RNF144B: variants seen among roughly 807,000 people sequenced by gnomAD.
The protein encoded by RNF144B is E3 ubiquitin-protein ligase RNF144B.
In RNF144B, 25 loss-of-function variants were observed where a neutral mutation model predicts 40.2. The observed-to-expected ratio is 0.62, with a 90% CI of 0.45 to 0.87. RNF144B has a LOEUF of 0.87. Among genes scored for constraint, RNF144B ranks in the 40% least tolerant of loss-of-function variants. The pLI, the probability that RNF144B is intolerant of heterozygous loss-of-function variation, is 0.00. For missense variants in RNF144B, 365 were observed against 373.7 expected (o/e 0.98, Z 0.19); for synonymous variants, 145 against 136.3 (o/e 1.06, Z -0.44).
rs1259429374 is a variant in RNF144B, at chr6:18,412,339, G to T, written c.165+12640G>T. Among the ~76,000 whole-genome samples, 1 of 152,124 alleles carries T rather than the reference G, an allele frequency of 6.6e-6. No individual in the cohort carries two copies. The highest frequency in any genetic ancestry group is 1.9e-4 in the East Asian group (1 of 5,186). ...AATCCATACTTCCTCTTTTTAGGAG[G>T]AAGCAAATTGTTGTAAGAGAAGCTC... On this transcript the variant is annotated intron_variant, in intron 2 of 7. Coordinates refer to ENST00000259939, the MANE Select transcript of RNF144B (RefSeq NM_182757.4). The surrounding 1 kb of genome is among the most constrained non-coding windows in gnomAD (Gnocchi z 4.2).
chr6:18,463,152 C>CA, intron 6 of RNF144B, 139 bp from the exon 7 acceptor site: 1 of 596,240 alleles, frequency 1.7e-6, no homozygotes, highest in East Asian at 2.8e-5. Flanking sequence ...ATAAAGATTA[C>CA]AGGCTTGGAA....
In RNF144B at chr6:18,457,119, G is replaced by A. The variant is rs1352796099; in HGVS notation, c.332-36G>A. The A allele has an allele frequency of 2.9e-5, 42 of 1,457,802 alleles. No individual in the cohort carries two copies. Among genetic ancestry groups the A allele is most frequent in the Non-Finnish European group, 3.9e-5 (41 of 1,039,098 alleles). The allele number at this position is 1,457,802 out of a possible 1,614,324, so 90.3% of individuals were successfully genotyped here. A position where few individuals can be genotyped will look rare whatever the true frequency, so the allele number is the denominator to read the frequency against. Reference sequence around the variant, plus strand: ...GGTGAGAAAGACTCAAACATGAATCGGGCAGACCATCACATTTTCTTTCTT... The same window carrying A: ...GGTGAGAAAGACTCAAACATGAATCAGGCAGACCATCACATTTTCTTTCTT... On this transcript the variant is annotated intron_variant, in intron 4 of 7. Transcript: ENST00000259939. The surrounding 1 kb of genome is among the most constrained non-coding windows in gnomAD (Gnocchi z 5.1).
intron 3 of RNF144B, among the ~76,000 whole-genome samples, chr6:18,433,074 A>G (rs1010222018): frequency 6.6e-6 from 1 of 152,114 alleles, no homozygotes; most frequent in African/African-American, 2.4e-5. Flanking sequence ...GCTTTGGGAA[A>G]GTTGGCTACA....
intron 4 of RNF144B, among the ~76,000 whole-genome samples, chr6:18,454,923 T>G (rs186348580): frequency 2.4e-4 from 37 of 152,344 alleles, no homozygotes; most frequent in African/African-American, 8.9e-4. Flanking sequence ...CAGTAATATG[T>G]GTTTTAAGTT....
rs1221378680 is a variant in RNF144B at position 18,399,687 on chromosome 6, C to G, written c.153C>G (p.Ile51Met). The change falls in exon 2 of 8, where the codon ATC becomes ATG. Residue 51 changes from isoleucine to methionine, a missense_variant. Physicochemically the swap from Ile to Met is conservative, Grantham distance 10 (BLOSUM62 1). Transcript: ENST00000259939. The part of the protein sequence containing the change: ...KMTTLQECQC[I>M]FCTACLKQYM... ...CCACACTCCAGGAATGCCAGTGCAT[C>G]TTTTGCACAGCTGTGAGTTTTCCTT... The G allele has an allele frequency of 1.9e-6, 3 of 1,613,134 alleles. No individual in the cohort carries two copies. The highest frequency in any genetic ancestry group is 1.7e-6 in the Non-Finnish European group (2 of 1,179,198).
intron 3 of RNF144B, among the ~76,000 whole-genome samples, chr6:18,431,814 C>A (rs1758701627): frequency 6.6e-6 from 1 of 152,180 alleles, no homozygotes; most frequent in Admixed American, 6.5e-5. Flanking sequence ...CTTCCTTGTG[C>A]AGGTCTAGCT....
rs1355417395 is a variant in RNF144B, at chr6:18,387,429, C to T, written c.-238C>T. On this transcript the variant is annotated 5_prime_UTR_variant, in exon 1 of 8. Transcript: ENST00000259939. ...AAGGCTAGGAGGCGGTCGGGGACTC[C>T]GCCTCCTCCCGACCCGTAGGTCTGG... The T allele has an allele frequency of 2.5e-6, 3 of 1,187,284 alleles. No homozygotes were observed. Among genetic ancestry groups the T allele is most frequent in the African/African-American group, 1.6e-5 (1 of 61,996 alleles). 73.5% of individuals were successfully genotyped at this position (1,187,284 alleles called of 1,614,324 possible). A position where few individuals can be genotyped will look rare whatever the true frequency, so the allele number is the denominator to read the frequency against.
intron 4 of RNF144B, among the ~76,000 whole-genome samples, chr6:18,440,723 G>GATT (rs1554181263): frequency 2.1e-4 from 32 of 151,446 alleles, no homozygotes; most frequent in Non-Finnish European, 4.4e-4. Flanking sequence ...GGGATACATA[G>GATT]GTTAATAGCA....
In RNF144B at chr6:18,457,641, G is replaced by A. The variant is rs1472132673; in HGVS notation, c.536+282G>A. ...CACCGTGGTCTACTGGTTCTCAGTAGGAAATCATGACTTGTTCCCGCTCTT... is the reference window on the plus strand; with the variant it reads ...CACCGTGGTCTACTGGTTCTCAGTAAGAAATCATGACTTGTTCCCGCTCTT... On this transcript the variant is annotated intron_variant, in intron 5 of 7. Coordinates refer to ENST00000259939, the MANE Select transcript of RNF144B (RefSeq NM_182757.4). The surrounding 1 kb of genome is among the most constrained non-coding windows in gnomAD (Gnocchi z 5.1). 6.6e-6 allele frequency among the ~76,000 whole-genome samples: 1 copy of A among 152,120 alleles called. No homozygotes were observed. Among genetic ancestry groups the A allele is most frequent in the Non-Finnish European group, 1.5e-5 (1 of 68,024 alleles).
intron 7 of RNF144B, 112 bp downstream of exon 7, chr6:18,463,492 G>C: frequency 1.4e-6 from 1 of 692,166 alleles, no homozygotes; most frequent in Non-Finnish European, 2.6e-6. Context: ...TCCCAGCCTG[G>C]GAGCTTCTGG....
rs1020401765 is a variant in RNF144B at position 18,465,276 on chromosome 6, G to A, written c.*209G>A. 4 of 574,482 alleles carry A rather than the reference G, an allele frequency of 7.0e-6. No individual in the cohort carries two copies. Among genetic ancestry groups the A allele is most frequent in the Admixed American group, 6.2e-5 (2 of 32,350 alleles). 35.6% of individuals were successfully genotyped at this position (574,482 alleles called of 1,614,324 possible). ...TGTGTAACAAGAACTGGGCTCAACG[G>A]TCCAGCTGTTTCTATGGAGCTTTGG... On this transcript the variant is annotated 3_prime_UTR_variant, in exon 8 of 8. Coordinates refer to ENST00000259939, the MANE Select transcript of RNF144B (RefSeq NM_182757.4).
Position 18,410,085 on chromosome 6 carries a change from A to G in RNF144B, c.165+10386A>G, listed in dbSNP as rs1795004796. The stretch of plus-strand genomic sequence containing the variant: ...AGTTTAATTCTTCAAACCACATATC[A>G]GAATGTAATAGGCTGGCCAAACATG... On this transcript the variant is annotated intron_variant, in intron 2 of 7. Transcript: ENST00000259939. This position sits in a 1 kb window ranked among gnomAD's most constrained non-coding sequence, Gnocchi z 4.6. 6.6e-6 allele frequency among the ~76,000 whole-genome samples: 1 copy of G among 152,228 alleles called. No individual in the cohort carries two copies. The highest frequency in any genetic ancestry group is 1.5e-5 in the Non-Finnish European group (1 of 68,034).
rs189367208 is a variant in RNF144B at position 18,449,592 on chromosome 6, T to A, written c.332-7563T>A. Among the ~76,000 whole-genome samples the A allele has an allele frequency of 5.8e-3, 889 of 152,092 alleles. 5 individuals are homozygous for A. Among genetic ancestry groups the A allele is most frequent in the Middle Eastern group, 0.017 (5 of 294 alleles). On this transcript the variant is annotated intron_variant, in intron 4 of 7. Coordinates refer to ENST00000259939, the MANE Select transcript of RNF144B (RefSeq NM_182757.4). ...TCTATTCATTTGTATTGCATGTATA[T>A]TTACTAAAAACAAAGAGCTTATCTT...
chr6:18,415,977 G>A (rs934698992), intron 2 of RNF144B, among the ~76,000 whole-genome samples: 2 of 152,098 alleles, frequency 1.3e-5, no homozygotes, highest in Non-Finnish European at 2.9e-5. Flanking sequence ...TGGCTATGCT[G>A]AATCCGTGGT....
At chr6:18,445,936 A>G (rs547600054) in intron 4 of RNF144B, among the ~76,000 whole-genome samples, 2 of 152,338 alleles carry the variant, frequency 1.3e-5, no homozygotes, top group South Asian at 4.1e-4. Flanking sequence ...AATTTACAAT[A>G]AAAATAATAA....
chr6:18,457,050 G>C lies in RNF144B; in HGVS notation c.332-105G>C. 1.1e-6 allele frequency: 1 copy of C among 951,166 alleles called. No homozygotes were observed. Among genetic ancestry groups the C allele is most frequent in the East Asian group, 2.4e-5 (1 of 41,676 alleles). The allele number at this position is 951,166 out of a possible 1,614,324, so 58.9% of individuals were successfully genotyped here. A position where few individuals can be genotyped will look rare whatever the true frequency, so the allele number is the denominator to read the frequency against. On this transcript the variant is annotated intron_variant, in intron 4 of 7. Coordinates refer to ENST00000259939, the MANE Select transcript of RNF144B (RefSeq NM_182757.4). This position sits in a 1 kb window ranked among gnomAD's most constrained non-coding sequence, Gnocchi z 5.1. Reference sequence around the variant, plus strand: ...TACTCCAGCCTGGGCGACAGAGTGAGACTCTGGTTCCAAATAAATTAAATA... The same window carrying C: ...TACTCCAGCCTGGGCGACAGAGTGACACTCTGGTTCCAAATAAATTAAATA...
rs1759082197 is a variant in RNF144B, at chr6:18,446,346, G to A, written c.331+6602G>A. Among the ~76,000 whole-genome samples, 1 of 152,132 alleles carries A rather than the reference G, an allele frequency of 6.6e-6. No homozygotes were observed. The highest frequency in any genetic ancestry group is 1.5e-5 in the Non-Finnish European group (1 of 68,032). ...CTGCTCTTCTAGGAGCTGAGCTGAA[G>A]GGCATTGTGAAGTGTAGGTGCCATG... is the stretch of plus-strand genomic sequence containing the variant. On this transcript the variant is annotated intron_variant, in intron 4 of 7. Coordinates refer to ENST00000259939, the MANE Select transcript of RNF144B (RefSeq NM_182757.4). This position sits in a 1 kb window ranked among gnomAD's most constrained non-coding sequence, Gnocchi z 4.7.
Position 18,402,314 on chromosome 6 carries a change from G to T in RNF144B, c.165+2615G>T, listed in dbSNP as rs1794812560. On this transcript the variant is annotated intron_variant, in intron 2 of 7. Transcript: ENST00000259939. ...CTTCACAGTGCTTCAAATAGGGGGT[G>T]CAGTATACTCTGGGTATGCAGAAGG... Among the ~76,000 whole-genome samples, 2 of 87,760 alleles carry T rather than the reference G, an allele frequency of 2.3e-5. 1 individual carries two copies. The highest frequency in any genetic ancestry group is 6.7e-5 in the African/African-American group (2 of 29,772). 57.6% of individuals were successfully genotyped at this position (87,760 alleles called of 152,430 possible).
chr6:18,463,371 C>T lies in RNF144B; in HGVS notation c.762C>T (p.Asn254=), dbSNP rs1489192953. ...ACTCAAGAGCATCAGTGATGTGGAA[C>T]CGAACACAGGTACCCTGACCTTATA... ...LGHSRASVMW[N]RTQVVGILVG... is the part of the protein sequence containing the mutation. The change falls in exon 7 of 8, where the codon AAC becomes AAT. Residue 254 remains asparagine, a synonymous_variant. Transcript: ENST00000259939. 1 of 1,602,668 alleles carries T rather than the reference C, an allele frequency of 6.2e-7. No homozygotes were observed. The highest frequency in any genetic ancestry group is 1.7e-5 in the Admixed American group (1 of 59,986).
Sources: allele counts gnomAD v4.1 joint callset (sites outside exome capture counted in the v4.1 genomes callset), GRCh38; gene constraint gnomAD v4.1.1; non-coding constraint Gnocchi (gnomAD v3.1); transcripts MANE v1.5; gene names NCBI Gene and HGNC (gene_info 2026-07-23, HGNC 2026-07-21).